The following SPG11 variants were observed in gnomAD, a reference collection of about 807,000 sequenced individuals.
SPG11 encodes SPG11 vesicle trafficking associated, spatacsin, also known as spatacsin.
In SPG11, 222 loss-of-function variants were observed where a neutral mutation model predicts 274.0. The ratio of observed to expected loss-of-function variants is 0.81; its 90% CI spans 0.73 to 0.91. The LOEUF is 0.91. SPG11 is among the 40% of genes least tolerant of loss of function. SPG11 has a pLI of 0.00. For missense variants in SPG11, 3,114 were observed against 2,872.7 expected (o/e 1.08, Z -1.92); for synonymous variants, 1,144 against 1,039.7 (o/e 1.10, Z -1.93).
intron 30 of SPG11, among the ~76,000 whole-genome samples, chr15:44,580,695 G>A (rs1456274778): frequency 6.6e-6 from 1 of 152,228 alleles, no homozygotes; most frequent in African/African-American, 2.4e-5. Context: ...GGAGGCTGAA[G>A]CAGGACAATC....
At chr15:44,602,828 T>C (rs144723992) in intron 20 of SPG11, among the ~76,000 whole-genome samples, 53 of 152,194 alleles carry the variant, frequency 3.5e-4, no homozygotes, top group African/African-American at 1.1e-3. Flanking sequence ...ATTTATTAAT[T>C]TGTGTATGTT....
chr15:44,660,656 C>T lies in SPG11; in HGVS notation c.258-40G>A, dbSNP rs1566835431. Reference sequence around the variant, plus strand: ...TTAGATTTATTATATTCTATATCCGCAATAATATTTACCCACAATGGTGGG... The same window carrying T: ...TTAGATTTATTATATTCTATATCCGTAATAATATTTACCCACAATGGTGGG... On this transcript the variant is annotated intron_variant, in intron 1 of 39. Transcript: ENST00000261866. 11 of 1,588,638 alleles carry T rather than the reference C, an allele frequency of 6.9e-6. 1 individual carries two copies. The highest frequency in any genetic ancestry group is 9.5e-6 in the Non-Finnish European group (11 of 1,158,000).
At chr15:44,658,985 A>G (rs1291255676) in intron 3 of SPG11, 94 bp downstream of exon 3, 6 of 1,194,718 alleles carry the variant, frequency 5.0e-6, no homozygotes, top group Non-Finnish European at 7.4e-6. Flanking sequence ...CACTTCCTAT[A>G]TCCCAGCTCC....
chr15:44,620,013 G>A, intron 15 of SPG11, 177 bp downstream of exon 15: 1 of 629,692 alleles, frequency 1.6e-6, no homozygotes, highest in East Asian at 3.0e-5. Context: ...ACCGCACTTG[G>A]CCAAATGAGT....
rs772862325 is a variant in SPG11 at position 44,585,648 on chromosome 15, C to T, written c.5109G>A (p.Leu1703=). The change falls in exon 29 of 40, where the codon TTG becomes TTA. Residue 1703 remains leucine (L), a synonymous_variant. Transcript: ENST00000261866. ...AELAELPVDN[L]VIKEITQEMQ... is the part of the protein sequence containing the mutation. The stretch of plus-strand genomic sequence containing the variant: ...AGACCGATGATACCTCTTTAATAAC[C>T]AAGTTGTCCACAGGTAACTCAGCTA... 6.9e-6 allele frequency: 11 copies of T among 1,586,532 alleles called. No homozygotes were observed. Among genetic ancestry groups the T allele is most frequent in the African/African-American group, 1.4e-5 (1 of 73,708 alleles).
intron 36 of SPG11, among the ~76,000 whole-genome samples, chr15:44,566,979 A>G (rs1390788384): frequency 6.6e-6 from 1 of 152,056 alleles, no homozygotes; most frequent in Non-Finnish European, 1.5e-5. Context: ...CTAGGATTAC[A>G]GGCATGAGCC....
rs1185441476 is a variant in SPG11 at position 44,584,413 on chromosome 15, G to C, written c.5267C>G (p.Ala1756Gly). ...AGTTGGGTGCTCACATGCCACATGG[G>C]CCTGGGTTGAGAAAAAGGAAGAAGC... ...KAASSFFSTQ[A>G]HVACEHPTGW... is the part of the protein sequence containing the mutation. The change falls in exon 30 of 40, where the codon GCC becomes GGC. Residue 1756 changes from alanine to glycine, a missense_variant. Coordinates refer to ENST00000261866, the MANE Select transcript of SPG11 (RefSeq NM_025137.4). The C allele has an allele frequency of 2.5e-6, 4 of 1,614,024 alleles. No homozygotes were observed. Among genetic ancestry groups the C allele is most frequent in the African/African-American group, 1.3e-5 (1 of 74,912 alleles).
At chr15:44,626,267 A>G (rs2083894834) in intron 11 of SPG11, 64 bp downstream of exon 11, 8 of 1,402,440 alleles carry the variant, frequency 5.7e-6, no homozygotes, top group Non-Finnish European at 6.8e-6. Context: ...AATACAAACC[A>G]ATTTTATAAT....
chr15:44,564,902 T>C (rs778830322), intron 38 of SPG11, among the ~76,000 whole-genome samples: 1 of 152,156 alleles, frequency 6.6e-6, no homozygotes, highest in Non-Finnish European at 1.5e-5. Flanking sequence ...CCCCAAATTA[T>C]CTTAAACCCT....
intron 1 of SPG11, among the ~76,000 whole-genome samples, chr15:44,662,865 G>A (rs2085157394): frequency 6.6e-6 from 1 of 152,156 alleles, no homozygotes; most frequent in Non-Finnish European, 1.5e-5. Flanking sequence ...CTATGTAACA[G>A]CAAGCACACA....
chr15:44,576,223 A>G (rs1478167417), intron 30 of SPG11, among the ~76,000 whole-genome samples: 1 of 152,044 alleles, frequency 6.6e-6, no homozygotes, highest in African/African-American at 2.4e-5. Flanking sequence ...TCTATTAGGA[A>G]AAAAAAGTAA....
chr15:44,564,798 G>GT lies in SPG11; in HGVS notation c.7000-101dup, dbSNP rs2082276670. On this transcript the variant is annotated intron_variant, in intron 38 of 39. Transcript: ENST00000261866. The stretch of plus-strand genomic sequence containing the variant: ...ACAATACTGTATACTCACTCATGTA[G>GT]TGAATATGATCATTACCAATTATGT... 7.0e-6 allele frequency: 9 copies of GT among 1,288,052 alleles called. No homozygotes were observed. In the South Asian group the frequency reaches 9.9e-5, roughly 14 times the overall value. The allele number at this position is 1,288,052 out of a possible 1,614,324, so 79.8% of individuals were successfully genotyped here.
intron 30 of SPG11, among the ~76,000 whole-genome samples, chr15:44,580,142 A>AT (rs894498151): frequency 6.6e-6 from 1 of 152,130 alleles, no homozygotes; most frequent in Non-Finnish European, 1.5e-5. Context: ...TTTATATCAT[A>AT]TTTTTTACTG....
chr15:44,616,738 A>G (rs1020058653), intron 15 of SPG11, among the ~76,000 whole-genome samples: 2 of 152,172 alleles, frequency 1.3e-5, no homozygotes, highest in Non-Finnish European at 2.9e-5. Flanking sequence ...TCTACCTTTG[A>G]GAAAATTTAG....
chr15:44,618,508 C>G (rs2083651008), intron 15 of SPG11, among the ~76,000 whole-genome samples: 1 of 113,334 alleles, frequency 8.8e-6, no homozygotes, highest in Admixed American at 1.0e-4. Flanking sequence ...CAGAGTGAGA[C>G]TCCATCTCAA....
chr15:44,620,675 C>A (rs913538164), intron 14 of SPG11: 2 of 360,576 alleles, frequency 5.5e-6, no homozygotes, highest in African/African-American at 2.1e-5. Flanking sequence ...GCAGGGACTA[C>A]AGGGATGTGC....
chr15:44,608,459 G>A lies in SPG11; in HGVS notation c.3438C>T (p.Ile1146=), dbSNP rs1484117125. The A allele has an allele frequency of 6.2e-7, 1 of 1,614,158 alleles. No individual in the cohort carries two copies. Among genetic ancestry groups the A allele is most frequent in the African/African-American group, 1.3e-5 (1 of 75,042 alleles). ...AATACTGTACCTGAATAAGGTGGTAGATTGTAATATCAGATGGCAGGACAC... is the reference window on the plus strand; with the variant it reads ...AATACTGTACCTGAATAAGGTGGTAAATTGTAATATCAGATGGCAGGACAC... ...PPSVLPSDIT[I]YHLIQSLSPF... is the part of the protein sequence containing the mutation. The change falls in exon 19 of 40, where the codon ATC becomes ATT. Residue 1146 remains isoleucine (I), a synonymous_variant. Transcript: ENST00000261866.
At chr15:44,649,399 T>G (rs780036371) in intron 6 of SPG11, among the ~76,000 whole-genome samples, 1 of 152,094 alleles carries the variant, frequency 6.6e-6, no homozygotes, top group East Asian at 1.9e-4. Flanking sequence ...TTTAAAAAAA[T>G]TTTTAAATTG....
chr15:44,628,903 T>G, intron 9 of SPG11, 59 bp from the exon 10 acceptor site: 2 of 1,486,612 alleles, frequency 1.3e-6, no homozygotes, highest in Non-Finnish European at 1.9e-6. Context: ...AACCATGAGC[T>G]GTTATAAAGA....
Sources: allele counts gnomAD v4.1 joint callset (sites outside exome capture counted in the v4.1 genomes callset), GRCh38; gene constraint gnomAD v4.1.1; transcripts MANE v1.5; gene names NCBI Gene and HGNC (gene_info 2026-07-23, HGNC 2026-07-21).